OR9Q1: variants seen among roughly 807,000 people sequenced by gnomAD.
OR9Q1 encodes olfactory receptor 9Q1.
For missense variants in OR9Q1, 374 were observed against 378.8 expected, an observed-to-expected ratio of 0.99 and a Z score of 0.11; for synonymous variants, 153 against 148.6, an observed-to-expected ratio of 1.03 and a Z score of -0.22.
At chr11:58,046,387 A>G (rs1010426642) in intron 1 of OR9Q1, among the ~76,000 whole-genome samples, 6 of 152,220 alleles carry the variant, frequency 3.9e-5, no homozygotes, top group Admixed American at 3.9e-4. Flanking sequence ...AATCACGGAG[A>G]AAAGAGATAG....
At chr11:58,162,060 T>C (rs1854462412) in intron 2 of OR9Q1, among the ~76,000 whole-genome samples, 1 of 152,226 alleles carries the variant, frequency 6.6e-6, no homozygotes, top group Non-Finnish European at 1.5e-5. Flanking sequence ...AATAGCTTAC[T>C]CATGCCATTC....
intron 1 of OR9Q1, among the ~76,000 whole-genome samples, chr11:58,029,396 G>A (rs1008338725): frequency 1.3e-5 from 2 of 152,088 alleles, no homozygotes; most frequent in Non-Finnish European, 2.9e-5. Flanking sequence ...TCCAAGTCCC[G>A]GGCCTGGAAC....
At chr11:58,069,351 C>T (rs1445958828) in intron 2 of OR9Q1, among the ~76,000 whole-genome samples, 1 of 152,152 alleles carries the variant, frequency 6.6e-6, no homozygotes, top group Non-Finnish European at 1.5e-5. Flanking sequence ...TCCTCTCTGC[C>T]TGTGACACCT....
At chr11:58,028,308 A>C (rs1330272938) in intron 1 of OR9Q1, among the ~76,000 whole-genome samples, 1 of 152,188 alleles carries the variant, frequency 6.6e-6, no homozygotes, top group African/African-American at 2.4e-5. Flanking sequence ...CCTGCATACA[A>C]GTTTGGAGGA....
At chr11:58,088,928 A>C (rs1853658617) in intron 2 of OR9Q1, among the ~76,000 whole-genome samples, 1 of 151,370 alleles carries the variant, frequency 6.6e-6, no homozygotes, top group Non-Finnish European at 1.5e-5. Context: ...TCAGGTTGGA[A>C]TGCAATGTCA....
rs576689568 is a variant in OR9Q1, at chr11:58,150,897, T to G, written c.-14-28534T>G. 1.7e-4 allele frequency among the ~76,000 whole-genome samples: 26 copies of G among 152,292 alleles called. No individual in the cohort carries two copies. In the South Asian group the frequency reaches 5.0e-3, roughly 29 times the overall value. ...AAGAAGGCATCATCATCGTGGGAGATGATAGCTCCGTGTATGTTATTGCCC... is the reference window on the plus strand; with the variant it reads ...AAGAAGGCATCATCATCGTGGGAGAGGATAGCTCCGTGTATGTTATTGCCC... On this transcript the variant is annotated intron_variant, in intron 2 of 2. Coordinates refer to ENST00000335397, the MANE Select transcript of OR9Q1 (RefSeq NM_001005212.4).
chr11:58,039,606 T>A (rs563016334), intron 1 of OR9Q1, among the ~76,000 whole-genome samples: 1 of 152,222 alleles, frequency 6.6e-6, no homozygotes, highest in African/African-American at 2.4e-5. Flanking sequence ...GAGCAGACTT[T>A]GCATAGGTGG....
intron 2 of OR9Q1, among the ~76,000 whole-genome samples, chr11:58,068,709 G>T (rs145761143): frequency 3.9e-5 from 6 of 152,148 alleles, no homozygotes; most frequent in Admixed American, 6.5e-5. Flanking sequence ...TTCAAGTGCT[G>T]TGAATAATAA....
chr11:58,124,134 G>T (rs1226026596), intron 2 of OR9Q1, among the ~76,000 whole-genome samples: 1 of 152,120 alleles, frequency 6.6e-6, no homozygotes, highest in Non-Finnish European at 1.5e-5. Context: ...ACCCAGTTTT[G>T]TGTGATCTTG....
intron 1 of OR9Q1, among the ~76,000 whole-genome samples, chr11:58,042,997 A>G (rs530801085): frequency 1.9e-4 from 29 of 152,242 alleles, no homozygotes; most frequent in African/African-American, 5.3e-4. Context: ...CATTGATTTT[A>G]TATCCTGAGA....
rs1853246287 is a variant in OR9Q1 at position 58,048,686 on chromosome 11, A to ATG, written c.-92-7183_-92-7182insGT. Among the ~76,000 whole-genome samples, 3 of 145,738 alleles carry ATG rather than the reference A, an allele frequency of 2.1e-5. 1 individual carries two copies. The highest frequency in any genetic ancestry group is 7.5e-5 in the African/African-American group (3 of 40,022). On this transcript the variant is annotated intron_variant, in intron 1 of 2. Coordinates refer to ENST00000335397, the MANE Select transcript of OR9Q1 (RefSeq NM_001005212.4). ...CTCCATCTTAAAAAAAAAAATATAT[A>ATG]TATATATATTTTTTAGCAAGACTAA...
intron 2 of OR9Q1, among the ~76,000 whole-genome samples, chr11:58,122,974 G>A (rs898510141): frequency 1.4e-5 from 2 of 143,340 alleles, no homozygotes; most frequent in East Asian, 2.0e-4. Flanking sequence ...TTTTTTTTTC[G>A]GATTTTGTTA....
At chr11:58,035,987 G>C (rs1853097326) in intron 1 of OR9Q1, among the ~76,000 whole-genome samples, 1 of 146,198 alleles carries the variant, frequency 6.8e-6, no homozygotes, top group South Asian at 2.2e-4. Context: ...TAGCAATTCT[G>C]TGTTAAGTCT....
intron 2 of OR9Q1, among the ~76,000 whole-genome samples, chr11:58,116,029 C>T (rs1347651522): frequency 6.6e-6 from 1 of 152,102 alleles, no homozygotes; most frequent in Admixed American, 6.6e-5. Flanking sequence ...TATATTGTTT[C>T]TAATTACTTT....
At chr11:58,171,979 T>C (rs1287170422) in intron 2 of OR9Q1, among the ~76,000 whole-genome samples, 1 of 152,164 alleles carries the variant, frequency 6.6e-6, no homozygotes, top group Non-Finnish European at 1.5e-5. Flanking sequence ...AATTCCCTTA[T>C]GTAATGACAG....
chr11:58,160,891 T>A (rs1161660545), intron 2 of OR9Q1, among the ~76,000 whole-genome samples: 2 of 152,194 alleles, frequency 1.3e-5, no homozygotes, highest in Non-Finnish European at 2.9e-5. Context: ...TGGTCACAAG[T>A]AGACCGAACA....
At chr11:58,044,125 A>C (rs1853193376) in intron 1 of OR9Q1, 1 of 152,258 alleles carries the variant, frequency 6.6e-6, no homozygotes, top group Admixed American at 6.5e-5. Context: ...AAAAGAAAGA[A>C]TGAATTTAAT....
chr11:58,058,036 C>A (rs892637311), intron 2 of OR9Q1, among the ~76,000 whole-genome samples: 10 of 152,204 alleles, frequency 6.6e-5, no homozygotes, highest in Non-Finnish European at 2.9e-5. Flanking sequence ...AAATTTGATG[C>A]TCCTTTCATT....
intron 2 of OR9Q1, among the ~76,000 whole-genome samples, chr11:58,168,353 A>C (rs1380199077): frequency 1.3e-5 from 2 of 152,162 alleles, no homozygotes; most frequent in Non-Finnish European, 2.9e-5. Flanking sequence ...CCAACAGTTT[A>C]TTTGTATTTA....
Sources: allele counts gnomAD v4.1 joint callset (sites outside exome capture counted in the v4.1 genomes callset), GRCh38; gene constraint gnomAD v4.1.1; transcripts MANE v1.5; gene names NCBI Gene and HGNC (gene_info 2026-07-23, HGNC 2026-07-21).